ITGB6: variants seen among roughly 807,000 people sequenced by gnomAD.
ITGB6 encodes the protein integrin subunit beta 6, also known as integrin beta-6.
ITGB6 carries 80 observed loss-of-function variants against 84.5 expected under a neutral mutation model. The ratio of observed to expected loss-of-function variants is 0.95; its 90% CI spans 0.79 to 1.14. The LOEUF (loss-of-function observed/expected upper bound fraction) is 1.14, where lower values mean the gene tolerates loss of function less well. Among genes scored for constraint, ITGB6 ranks in the 50% most tolerant of loss-of-function variants. ITGB6 has a pLI of 0.00. For synonymous variants in ITGB6, 383 were observed against 354.9 expected (o/e 1.08, Z -0.89); for missense variants, 1,006 against 968.0 (o/e 1.04, Z -0.52).
chr2:160,188,572 T>A (rs1249489296), intron 4 of ITGB6, among the ~76,000 whole-genome samples: 1 of 152,062 alleles, frequency 6.6e-6, no homozygotes, highest in Non-Finnish European at 1.5e-5. Flanking sequence ...TCAGGCCCAA[T>A]GCCAAATGCT....
intron 7 of ITGB6, among the ~76,000 whole-genome samples, chr2:160,154,875 C>G (rs1255214943): frequency 1.3e-5 from 2 of 152,154 alleles, no homozygotes; most frequent in Admixed American, 6.5e-5. Flanking sequence ...ATTTGGGTCT[C>G]CGCCCAAATC....
At chr2:160,156,844 T>C (rs1390060923) in intron 7 of ITGB6, among the ~76,000 whole-genome samples, 1 of 152,214 alleles carries the variant, frequency 6.6e-6, no homozygotes, top group African/African-American at 2.4e-5. Flanking sequence ...ACATCACTTC[T>C]GTTAGGTGCC....
At chr2:160,116,206 AT>A in intron 12 of ITGB6, among the ~76,000 whole-genome samples, 1 of 152,026 alleles carries the variant, frequency 6.6e-6, no homozygotes, top group South Asian at 2.1e-4. Context: ...AAGACACACA[AT>A]TATCAGATTC....
intron 10 of ITGB6, 107 bp from the exon 11 acceptor site, chr2:160,126,708 C>T (rs916609834): frequency 9.4e-7 from 1 of 1,062,816 alleles, no homozygotes; most frequent in African/African-American, 1.6e-5. Context: ...CATCAAAAGA[C>T]AAGAAAAAAA....
At chr2:160,130,410 G>T (rs10497208) in intron 10 of ITGB6, among the ~76,000 whole-genome samples, 101,578 of 151,822 alleles carry the variant, frequency 0.67, 34,337 homozygotes, top group Admixed American at 0.74. Flanking sequence ...GGATTATGTC[G>T]GGATAAACTC....
intron 5 of ITGB6, among the ~76,000 whole-genome samples, chr2:160,173,669 G>A (rs1333475245): frequency 6.6e-6 from 1 of 152,000 alleles, no homozygotes; most frequent in Non-Finnish European, 1.5e-5. Flanking sequence ...TTTTTATCAT[G>A]ATTAATCCAA....
chr2:160,196,486 C>T (rs1204159125), intron 2 of ITGB6, 66 bp from the exon 3 acceptor site: 3 of 1,377,096 alleles, frequency 2.2e-6, no homozygotes, highest in South Asian at 1.3e-5. Context: ...TTATAAGATA[C>T]CAGCAATTGA....
At chr2:160,141,488 T>C (rs1056809383) in intron 8 of ITGB6, among the ~76,000 whole-genome samples, 2 of 152,200 alleles carry the variant, frequency 1.3e-5, no homozygotes, top group African/African-American at 4.8e-5. Context: ...AAAATGTCCC[T>C]AGTTCTCCAA....
At position 160,107,708 on chromosome 2, in the gene ITGB6, C is replaced by A; in HGVS notation, c.2239G>T (p.Ala747Ser). Reference sequence around the variant, plus strand: ...TGCCACTTGGCTTTTGATCGTTCTGCTTCAAATTTGGCAACTTCTTTACGA... The same window carrying A: ...TGCCACTTGGCTTTTGATCGTTCTGATTCAAATTTGGCAACTTCTTTACGA... Reference protein sequence around the residue: ...HDRKEVAKFEAERSKAKWQTG... With the variant: ...HDRKEVAKFESERSKAKWQTG... Residue 747 changes from alanine (A) to serine (S), a missense_variant, in exon 14 of 15, where the codon GCA (alanine) becomes TCA (serine). Ala to Ser is a moderately conservative substitution (Grantham distance 99). Coordinates refer to ENST00000283249, the MANE Select transcript of ITGB6 (RefSeq NM_000888.5). 1 of 1,614,052 alleles carries A rather than the reference C, an allele frequency of 6.2e-7. No homozygotes were observed.
chr2:160,190,890 T>C (rs1487143892), intron 4 of ITGB6, among the ~76,000 whole-genome samples: 1 of 152,194 alleles, frequency 6.6e-6, no homozygotes, highest in Non-Finnish European at 1.5e-5. Flanking sequence ...TGCTACATCG[T>C]ACCTGATCTG....
intron 7 of ITGB6, among the ~76,000 whole-genome samples, chr2:160,165,116 TG>T (rs1486534213): frequency 6.6e-6 from 1 of 152,328 alleles, no homozygotes; most frequent in Non-Finnish European, 1.5e-5. Context: ...AATCCAGAAG[TG>T]GTCGTTTTAC....
Position 160,101,513 on chromosome 2 carries a change from T to G in ITGB6, c.*223A>C. The G allele has an allele frequency of 2.1e-6, 1 of 484,702 alleles. No homozygotes were observed. The highest frequency in any genetic ancestry group is 3.6e-6 in the Non-Finnish European group (1 of 276,524). 30.0% of individuals were successfully genotyped at this position (484,702 alleles called of 1,614,324 possible). A position where few individuals can be genotyped will look rare whatever the true frequency, so the allele number is the denominator to read the frequency against. ...ATTAATGCAACAGAGTTAGTATTCC[T>G]CAAATGATCCCCAAAGTCATCTCTT... On this transcript the variant is annotated 3_prime_UTR_variant, in exon 15 of 15. Transcript: ENST00000283249.
At chr2:160,131,382 A>C (rs138660430) in intron 10 of ITGB6, among the ~76,000 whole-genome samples, 1 of 152,302 alleles carries the variant, frequency 6.6e-6, no homozygotes, top group East Asian at 1.9e-4. Context: ...ACATTGCGAT[A>C]ATAGCTCTTC....
intron 10 of ITGB6, 90 bp downstream of exon 10, chr2:160,137,344 T>G: frequency 8.2e-7 from 1 of 1,212,876 alleles, no homozygotes; most frequent in Non-Finnish European, 1.2e-6. Context: ...GCACCTACTG[T>G]GCCCAGGAAA....
At chr2:160,144,209 GAACTCTT>G (rs1400147326) in intron 7 of ITGB6, among the ~76,000 whole-genome samples, 1 of 151,980 alleles carries the variant, frequency 6.6e-6, no homozygotes, top group African/African-American at 2.4e-5. Context: ...GGTAAAATCT[GAACTCTT>G]AACAGTGTGA....
rs776089189 is a variant in ITGB6, at chr2:160,138,118, C to T, written c.1189G>A (p.Gly397Ser). ...TTCTTTTGGTGTTGGAAGAGGGTAC[C>T]GTTGTTACAGATGGCTGTAAATGAC... ...NLSFTAICNN[G>S]TLFQHQKKCS... Residue 397 changes from glycine to serine, a missense_variant, in exon 9 of 15, where the codon GGT (glycine) becomes AGT (serine). Transcript: ENST00000283249. 15 of 1,613,914 alleles carry T rather than the reference C, an allele frequency of 9.3e-6. No individual in the cohort carries two copies. The highest frequency in any genetic ancestry group is 1.1e-5 in the Non-Finnish European group (13 of 1,179,944).
intron 10 of ITGB6, among the ~76,000 whole-genome samples, chr2:160,135,555 T>C (rs946017832): frequency 6.6e-6 from 1 of 151,958 alleles, no homozygotes; most frequent in African/African-American, 2.4e-5. Flanking sequence ...AAAAACTACT[T>C]TATAGTTCAT....
chr2:160,131,773 A>G (rs530022868), intron 10 of ITGB6, among the ~76,000 whole-genome samples: 3 of 152,334 alleles, frequency 2.0e-5, no homozygotes, highest in African/African-American at 7.2e-5. Flanking sequence ...TATTTTCTAA[A>G]TAGAATTTCT....
At position 160,196,252 on chromosome 2, in the gene ITGB6, T is replaced by C; in HGVS notation, c.310A>G (p.Ile104Val). ...TTAAGGATCAAGCTTTGAGGCGCAA[T>C]CTGAACAATGTCAGAACTATTTTTC... Reference protein sequence around the residue: ...RQKNSSDIVQIAPQSLILKLR... With the variant: ...RQKNSSDIVQVAPQSLILKLR... The change falls in exon 3 of 15, where the codon ATT (isoleucine) becomes GTT (valine). Residue 104 changes from isoleucine to valine, a missense_variant. Physicochemically the swap from Ile to Val is conservative, Grantham distance 29 (BLOSUM62 3). Coordinates refer to ENST00000283249, the MANE Select transcript of ITGB6 (RefSeq NM_000888.5). 6.2e-7 allele frequency: 1 copy of C among 1,614,030 alleles called. No individual in the cohort carries two copies. The highest frequency in any genetic ancestry group is 2.2e-5 in the East Asian group (1 of 44,840).
Sources: allele counts gnomAD v4.1 joint callset (sites outside exome capture counted in the v4.1 genomes callset), GRCh38; gene constraint gnomAD v4.1.1; transcripts MANE v1.5; gene names NCBI Gene and HGNC (gene_info 2026-07-23, HGNC 2026-07-21).